Variants in ADGRE2 observed in about 807,000 individuals in gnomAD.
ADGRE2 encodes the protein adhesion G protein-coupled receptor E2.
Under a neutral mutation model 100.8 loss-of-function variants are expected in ADGRE2, and 83 were observed. The observed-to-expected ratio is 0.82, with a 90% CI of 0.69 to 0.99. The LOEUF is 0.99. Ranked by LOEUF, ADGRE2 falls within the 50% of genes least tolerant of loss-of-function variation. The pLI is 0.00. For missense variants in ADGRE2, 814 were observed against 1,035.7 expected (o/e 0.79, Z 2.94); for synonymous variants, 355 against 413.0 (o/e 0.86, Z 1.70).
intron 20 of ADGRE2, among the ~76,000 whole-genome samples, chr19:14,740,284 T>C (rs1438267768): frequency 6.6e-6 from 1 of 150,950 alleles, no homozygotes; most frequent in Non-Finnish European, 1.5e-5. Context: ...GAAAAGGAAA[T>C]AGAAGATCCT....
Position 14,756,348 on chromosome 19 carries a change from A to T in ADGRE2, c.1085-3T>A. ...CTTCTGCACCTCCAGGGACAATTCT[A>T]TGAGTTGTGGGAATTACATAAGGGG... is the stretch of plus-strand genomic sequence containing the variant. On this transcript the variant is annotated splice_region_variant and splice_polypyrimidine_tract_variant and intron_variant, in intron 11 of 20. Transcript: ENST00000315576. 2.5e-6 allele frequency: 4 copies of T among 1,606,586 alleles called. No homozygotes were observed. The highest frequency in any genetic ancestry group is 3.4e-6 in the Non-Finnish European group (4 of 1,173,258).
chr19:14,775,892 C>A (rs1458981073), intron 2 of ADGRE2, among the ~76,000 whole-genome samples: 1 of 149,708 alleles, frequency 6.7e-6, no homozygotes, highest in African/African-American at 2.5e-5. Context: ...GGCGCTGGAT[C>A]CCCCAGGCTC....
At chr19:14,757,481 T>C (rs138542363) in intron 11 of ADGRE2, among the ~76,000 whole-genome samples, 40 of 152,270 alleles carry the variant, frequency 2.6e-4, no homozygotes, top group South Asian at 1.2e-3. Context: ...CAAAACTTAC[T>C]ACAAACTGAC....
At chr19:14,773,917 G>A (rs771523051) in intron 4 of ADGRE2, 21 bp downstream of exon 4, 23 of 1,607,350 alleles carry the variant, frequency 1.4e-5, no homozygotes, top group East Asian at 6.7e-5. Context: ...TGTCCCCTGC[G>A]CTGCCCTCAA....
At chr19:14,746,353 T>A in intron 17 of ADGRE2, 30 bp from the exon 18 acceptor site, 4 of 1,309,982 alleles carry the variant, frequency 3.1e-6, no homozygotes, top group Non-Finnish European at 2.2e-6. Flanking sequence ...ATTTGTTGAA[T>A]AGATTTTGAA....
rs2042913738 is a variant in ADGRE2, at chr19:14,741,086, A to G, written c.2463+2334T>C. ...TCTCGTTACATTGCCCAGGCTGAAT[A>G]GGCTGTTTTTTTTTTTTTTTTTTTT... On this transcript the variant is annotated intron_variant, in intron 20 of 20. Coordinates refer to ENST00000315576, the MANE Select transcript of ADGRE2 (RefSeq NM_013447.4). Among the ~76,000 whole-genome samples the G allele has an allele frequency of 1.6e-5, 2 of 128,266 alleles. 1 individual carries two copies. The highest frequency in any genetic ancestry group is 5.2e-4 in the South Asian group (2 of 3,854). 84.1% of individuals were successfully genotyped at this position (128,266 alleles called of 152,430 possible).
Position 14,751,606 on chromosome 19 carries a change from C to G in ADGRE2, c.1854G>C (p.Leu618=), listed in dbSNP as rs757552971. 1 of 1,613,980 alleles carries G rather than the reference C, an allele frequency of 6.2e-7. No individual in the cohort carries two copies. Among genetic ancestry groups the G allele is most frequent in the Non-Finnish European group, 8.5e-7 (1 of 1,180,012 alleles). Reference sequence around the variant, plus strand: ...TGAGGAAGAGGTACAGGGCCTCCAGCAGCATCCAGGTCAAGGTGGCCAGGT... The same window carrying G: ...TGAGGAAGAGGTACAGGGCCTCCAGGAGCATCCAGGTCAAGGTGGCCAGGT... ...YLYLATLTWM[L]LEALYLFLTA... Residue 618 remains leucine (L), a synonymous_variant, in exon 16 of 21, where the codon CTG becomes CTC. Transcript: ENST00000315576.
intron 11 of ADGRE2, among the ~76,000 whole-genome samples, chr19:14,758,854 C>A (rs1371643188): frequency 7.7e-6 from 1 of 130,496 alleles, no homozygotes; most frequent in Non-Finnish European, 1.5e-5. Flanking sequence ...CCCTGCACTG[C>A]AGTCTGCGGG....
Position 14,755,835 on chromosome 19 carries a change from T to C in ADGRE2, c.1235A>G (p.Lys412Arg). ...VGLVSIPGMG[K>R]LLAEAPLVLE... is the part of the protein sequence containing the mutation. ...GACCAGAGGGGCCTCAGCCAGCAAC[T>C]TGCCCATCCCTGGAATGGAGACAAG... The change falls in exon 13 of 21, where the codon AAG (lysine) becomes AGG (arginine). Residue 412 changes from lysine (K) to arginine (R), a missense_variant. Coordinates refer to ENST00000315576, the MANE Select transcript of ADGRE2 (RefSeq NM_013447.4). 6.2e-7 allele frequency: 1 copy of C among 1,614,154 alleles called. No homozygotes were observed. The highest frequency in any genetic ancestry group is 8.5e-7 in the Non-Finnish European group (1 of 1,180,034).
chr19:14,772,983 G>T (rs1394797923), intron 4 of ADGRE2, among the ~76,000 whole-genome samples: 2 of 148,916 alleles, frequency 1.3e-5, no homozygotes, highest in Admixed American at 1.4e-4. Context: ...GGAGGCTGAG[G>T]CAGAAGAATC....
the ADGRE2 span, among the ~76,000 whole-genome samples, chr19:14,724,714 C>T: frequency 5.4e-5 from 8 of 148,626 alleles, no homozygotes; most frequent in South Asian, 2.1e-4. Context: ...TGCAGTGAGC[C>T]GACATCATGC....
chr19:14,736,170 A>G lies in ADGRE2; in HGVS notation c.*66T>C. 6.6e-7 allele frequency: 1 copy of G among 1,503,894 alleles called. No individual in the cohort carries two copies. The highest frequency in any genetic ancestry group is 1.7e-4 in the Middle Eastern group (1 of 5,812). 93.2% of individuals were successfully genotyped at this position (1,503,894 alleles called of 1,614,324 possible). Reference sequence around the variant, plus strand: ...GAACAAAGTCTTTTCTTTCCCCTCTAGATGGCTCAAAGATTGTTCAGATTT... The same window carrying G: ...GAACAAAGTCTTTTCTTTCCCCTCTGGATGGCTCAAAGATTGTTCAGATTT... On this transcript the variant is annotated 3_prime_UTR_variant, in exon 21 of 21. Transcript: ENST00000315576.
chr19:14,741,861 T>C (rs1029473), intron 20 of ADGRE2: 290,442 of 394,132 alleles, frequency 0.74, 108,083 homozygotes, highest in African/African-American at 0.87. Flanking sequence ...ATTACACATA[T>C]AATCTGGAGA....
chr19:14,759,009 T>C (rs1036304661), intron 11 of ADGRE2, among the ~76,000 whole-genome samples: 1 of 152,084 alleles, frequency 6.6e-6, no homozygotes, highest in Non-Finnish European at 1.5e-5. Flanking sequence ...GTAGGCGGTG[T>C]CCGATTTACA....
At chr19:14,754,143 C>T (rs1239502374) in intron 14 of ADGRE2, among the ~76,000 whole-genome samples, 1 of 151,596 alleles carries the variant, frequency 6.6e-6, no homozygotes. Flanking sequence ...GTGCTGGATG[C>T]TTCCTGCCCT....
intron 11 of ADGRE2, among the ~76,000 whole-genome samples, chr19:14,759,223 T>C (rs2043613556): frequency 6.6e-6 from 1 of 152,046 alleles, no homozygotes; most frequent in South Asian, 2.1e-4. Flanking sequence ...CCAGGTAACC[T>C]TTTCCTATTG....
intron 7 of ADGRE2, 21 bp from the exon 8 acceptor site, chr19:14,765,825 G>T (rs1013526561): frequency 1.2e-6 from 2 of 1,612,228 alleles, no homozygotes; most frequent in Admixed American, 3.3e-5. Context: ...GAAGAAGGGG[G>T]TCAGGTCCTG....
intron 20 of ADGRE2, among the ~76,000 whole-genome samples, chr19:14,739,510 G>T (rs1356064634): frequency 6.6e-6 from 1 of 152,176 alleles, no homozygotes; most frequent in Non-Finnish European, 1.5e-5. Flanking sequence ...TAGTGGCTGT[G>T]TGGGGTGAAA....
chr19:14,731,274 C>A, downstream of ADGRE2: 3 of 1,281,888 alleles, frequency 2.3e-6, no homozygotes, highest in African/African-American at 1.5e-5. Flanking sequence ...ACTACTGGGG[C>A]TTGAAGACTC....
Sources: allele counts gnomAD v4.1 joint callset (sites outside exome capture counted in the v4.1 genomes callset), GRCh38; gene constraint gnomAD v4.1.1; transcripts MANE v1.5; gene names NCBI Gene and HGNC (gene_info 2026-07-23, HGNC 2026-07-21).